The following UST variants were observed in gnomAD, a reference collection of about 807,000 sequenced individuals.
UST encodes the protein uronyl 2-sulfotransferase.
A neutral mutation model predicts 45.6 loss-of-function variants in UST; 21 were observed. The observed-to-expected ratio is 0.46, with a 90% CI of 0.33 to 0.66. UST has a LOEUF of 0.66. Ranked by LOEUF, UST falls within the 30% of genes least tolerant of loss-of-function variation. The pLI is 0.02. For synonymous variants in UST, 215 were observed against 200.6 expected (o/e 1.07, Z -0.61); for missense variants, 463 against 512.4 (o/e 0.90, Z 0.93).
intron 5 of UST, among the ~76,000 whole-genome samples, chr6:148,968,909 T>C (rs2114965182): frequency 6.6e-6 from 1 of 152,364 alleles, no homozygotes; most frequent in South Asian, 2.1e-4. Flanking sequence ...TCTGTGACAC[T>C]GTTTATTCGG....
chr6:148,812,706 G>GAGAA (rs145194586), intron 1 of UST, among the ~76,000 whole-genome samples: 1,813 of 152,310 alleles, frequency 0.012, 38 homozygotes, highest in African/African-American at 0.042. Flanking sequence ...ATGAGAGAAA[G>GAGAA]AGAGAGAGAG....
In UST at chr6:149,011,093, C is replaced by G. The variant is rs1775802588; in HGVS notation, c.682-8046C>G. ...GCTCCCAATGAGTTAAGGATATTCG[C>G]TAAAATAAATGTAGATATGCCGCCA... On this transcript the variant is annotated intron_variant, in intron 5 of 7. Transcript: ENST00000367463. 2.6e-5 allele frequency among the ~76,000 whole-genome samples: 4 copies of G among 151,906 alleles called. No individual in the cohort carries two copies. In the South Asian group the frequency reaches 8.3e-4, roughly 32 times the overall value.
intron 1 of UST, among the ~76,000 whole-genome samples, chr6:148,787,829 A>G (rs1234765657): frequency 6.6e-6 from 1 of 152,266 alleles, no homozygotes; most frequent in African/African-American, 2.4e-5. Context: ...TGAACAACCC[A>G]AATAGTGACA....
At chr6:148,970,291 G>C (rs1780888812) in intron 5 of UST, among the ~76,000 whole-genome samples, 3 of 152,156 alleles carry the variant, frequency 2.0e-5, no homozygotes, top group Non-Finnish European at 4.4e-5. Context: ...CCTGCCACCT[G>C]TGCTACCACC....
At chr6:149,030,732 C>T (rs749725959) in intron 7 of UST, among the ~76,000 whole-genome samples, 1 of 150,948 alleles carries the variant, frequency 6.6e-6, no homozygotes, top group South Asian at 2.1e-4. Flanking sequence ...GTGTGTGTTA[C>T]CTTAACACAC....
At position 148,803,847 on chromosome 6, in the gene UST, C is replaced by T. The variant is rs184911992; in HGVS notation, c.247+56170C>T. 1.3e-4 allele frequency among the ~76,000 whole-genome samples: 20 copies of T among 152,292 alleles called. No homozygotes were observed. In the East Asian group the frequency reaches 3.1e-3, roughly 24 times the overall value. ...TCCTGCTGCAGGACCTTTGCACATGCGGGATTCACCTGGGATAGTCTGACA... is the reference window on the plus strand; with the variant it reads ...TCCTGCTGCAGGACCTTTGCACATGTGGGATTCACCTGGGATAGTCTGACA... On this transcript the variant is annotated intron_variant, in intron 1 of 7. Coordinates refer to ENST00000367463, the MANE Select transcript of UST (RefSeq NM_005715.3).
At chr6:148,984,293 A>C (rs1359881706) in intron 5 of UST, among the ~76,000 whole-genome samples, 1 of 152,204 alleles carries the variant, frequency 6.6e-6, no homozygotes, top group Non-Finnish European at 1.5e-5. Flanking sequence ...GACATTAAAC[A>C]AGTATTGGGA....
chr6:148,977,434 AT>A (rs1781036422), intron 5 of UST, among the ~76,000 whole-genome samples: 2 of 151,634 alleles, frequency 1.3e-5, no homozygotes, highest in South Asian at 2.1e-4. Context: ...GTCTTTGTTC[AT>A]TTTTCCTTAG....
intron 1 of UST, among the ~76,000 whole-genome samples, chr6:148,862,029 T>G (rs1453487053): frequency 2.6e-5 from 4 of 152,224 alleles, no homozygotes; most frequent in African/African-American, 9.6e-5. Context: ...GGTGCAGAAC[T>G]GAGTTCAATT....
chr6:148,785,085 C>T (rs12524745), intron 1 of UST, among the ~76,000 whole-genome samples: 15,573 of 151,946 alleles, frequency 0.1, 889 homozygotes, highest in Non-Finnish European at 0.12. Flanking sequence ...CCTGTAGTCC[C>T]AGCTACTAGG....
intron 1 of UST, among the ~76,000 whole-genome samples, chr6:148,770,559 G>A (rs1045545749): frequency 6.6e-6 from 1 of 152,104 alleles, no homozygotes; most frequent in African/African-American, 2.4e-5. Context: ...CAGAGTGAGA[G>A]CAGATTTCTT....
intron 4 of UST, among the ~76,000 whole-genome samples, chr6:148,956,310 G>A (rs1417409973): frequency 6.6e-6 from 1 of 152,160 alleles, no homozygotes; most frequent in African/African-American, 2.4e-5. Context: ...TGGACTTACA[G>A]TTCCACGTGG....
intron 7 of UST, among the ~76,000 whole-genome samples, chr6:149,070,696 G>C (rs1348709706): frequency 6.6e-6 from 1 of 151,168 alleles, no homozygotes; most frequent in East Asian, 1.9e-4. Context: ...CATGGAGAAT[G>C]GGGTATCCAT....
In UST at chr6:148,879,958, T is replaced by G. The variant is rs1388649063; in HGVS notation, c.248-7028T>G. Among the ~76,000 whole-genome samples, 12 of 148,768 alleles carry G rather than the reference T, an allele frequency of 8.1e-5. No individual in the cohort carries two copies. In the East Asian group the frequency reaches 2.1e-3, roughly 26 times the overall value. ...TCTTTTTTCTTTTTTTTTTCTTTTT[T>G]TTTTTTTTTGACAAGGTCTTGCTCT... On this transcript the variant is annotated intron_variant, in intron 1 of 7. Coordinates refer to ENST00000367463, the MANE Select transcript of UST (RefSeq NM_005715.3).
intron 2 of UST, among the ~76,000 whole-genome samples, chr6:148,910,792 C>T (rs527330988): frequency 2.6e-5 from 4 of 152,222 alleles, no homozygotes; most frequent in African/African-American, 9.6e-5. Flanking sequence ...AACATGCATC[C>T]TAAGGTAAAT....
chr6:148,914,173 G>A (rs570572643), intron 2 of UST, among the ~76,000 whole-genome samples: 2 of 152,268 alleles, frequency 1.3e-5, no homozygotes, highest in African/African-American at 4.8e-5. Context: ...GTTTTCCATT[G>A]TACTGCATTA....
intron 5 of UST, among the ~76,000 whole-genome samples, chr6:148,980,439 T>A (rs888985604): frequency 2.0e-5 from 3 of 152,228 alleles, no homozygotes; most frequent in African/African-American, 7.2e-5. Flanking sequence ...TTTTGCATAG[T>A]GCTGCCAGAT....
chr6:149,021,178 G>A (rs1775974127), intron 6 of UST, 146 bp from the exon 7 acceptor site: 2 of 812,064 alleles, frequency 2.5e-6, no homozygotes, highest in Non-Finnish European at 3.8e-6. Flanking sequence ...GGCCCTGGAT[G>A]GGGCTACATC....
chr6:148,990,385 C>G, intron 5 of UST: 2 of 985,008 alleles, frequency 2.0e-6, no homozygotes, highest in Middle Eastern at 5.2e-4. Context: ...TTAAGCAGAT[C>G]AACCTATGAA....
Sources: allele counts gnomAD v4.1 joint callset (sites outside exome capture counted in the v4.1 genomes callset), GRCh38; gene constraint gnomAD v4.1.1; transcripts MANE v1.5; gene names NCBI Gene and HGNC (gene_info 2026-07-23, HGNC 2026-07-21).